The following MROH1 variants were observed in gnomAD, a reference collection of about 807,000 sequenced individuals.
The protein encoded by MROH1 is maestro heat-like repeat-containing protein family member 1.
Under a neutral mutation model 116.5 loss-of-function variants are expected in MROH1, and 117 were observed. The ratio of observed to expected loss-of-function variants is 1.00; its 90% confidence interval spans 0.86 to 1.17. MROH1 has a LOEUF of 1.17. Ranked by LOEUF, MROH1 falls within the 50% of genes most tolerant of loss-of-function variation. The pLI, the probability that MROH1 is intolerant of heterozygous loss-of-function variation, is 0.00. For missense variants in MROH1, 1,873 were observed against 1,338.5 expected, an observed-to-expected ratio of 1.40 and a Z score of -6.23; for synonymous variants, 921 against 583.9, an observed-to-expected ratio of 1.58 and a Z score of -8.32.
intron 12 of MROH1, chr8:144,213,132 C>T (rs1407629115): frequency 1.3e-6 from 1 of 767,158 alleles, no homozygotes; most frequent in Admixed American, 1.7e-5. Flanking sequence ...GTCACCACGG[C>T]TGTTACATCC....
chr8:144,252,753 T>G (rs919100845), intron 33 of MROH1: 7 of 150,412 alleles, frequency 4.7e-5, no homozygotes, highest in Non-Finnish European at 1.0e-4. Context: ...GGTTGGGAGT[T>G]CGAGACCAGC....
intron 12 of MROH1, among the ~76,000 whole-genome samples, chr8:144,202,734 G>A (rs1486157984): frequency 7.7e-6 from 1 of 129,534 alleles, no homozygotes; most frequent in Non-Finnish European, 1.6e-5. Flanking sequence ...CTGGAGAGGA[G>A]CGCCCGCCAT....
chr8:144,250,071 C>T lies in MROH1; in HGVS notation c.3274-141C>T, dbSNP rs1842603910. The T allele has an allele frequency of 6.0e-6, 4 of 666,926 alleles. No homozygotes were observed. In the Admixed American group the frequency reaches 8.3e-5, roughly 14 times the overall value. The allele number at this position is 666,926 out of a possible 1,614,324, so 41.3% of individuals were successfully genotyped here. On this transcript the variant is annotated intron_variant, in intron 32 of 43. Coordinates refer to ENST00000326134, the MANE Select transcript of MROH1 (RefSeq NM_032450.3). ...TCCGTGGCCCACGGGGGATCCTGGCCCTACCTCAGGCTGGAACCAGCAGTA... is the reference window on the plus strand; with the variant it reads ...TCCGTGGCCCACGGGGGATCCTGGCTCTACCTCAGGCTGGAACCAGCAGTA...
intron 4 of MROH1, among the ~76,000 whole-genome samples, chr8:144,170,293 C>T (rs1218054828): frequency 2.0e-5 from 3 of 152,202 alleles, no homozygotes; most frequent in African/African-American, 7.2e-5. Context: ...TGATTTTACC[C>T]CTTTTCTAAC....
intron 12 of MROH1, among the ~76,000 whole-genome samples, chr8:144,204,863 CAGTT>C (rs368405191): frequency 2.6e-4 from 39 of 152,300 alleles, no homozygotes; most frequent in African/African-American, 8.9e-4. Flanking sequence ...GTCCTTTACA[CAGTT>C]AGTGTTTACC....
intron 10 of MROH1, among the ~76,000 whole-genome samples, chr8:144,197,625 T>C (rs1830229552): frequency 2.0e-5 from 3 of 149,592 alleles, no homozygotes; most frequent in Non-Finnish European, 3.0e-5. Flanking sequence ...TTACTAGAGA[T>C]GGGGTTTCAC....
At chr8:144,199,681 G>A (rs1170116740) in intron 11 of MROH1, among the ~76,000 whole-genome samples, 1 of 152,192 alleles carries the variant, frequency 6.6e-6, no homozygotes, top group African/African-American at 2.4e-5. Context: ...TCCTGGAGGG[G>A]CAGCAGATGG....
Position 144,182,055 on chromosome 8 carries a change from C to T in MROH1, c.562+1532C>T, listed in dbSNP as rs1237677511. Among the ~76,000 whole-genome samples the T allele has an allele frequency of 6.6e-6, 1 of 152,224 alleles. No individual in the cohort carries two copies. Among genetic ancestry groups the T allele is most frequent in the South Asian group, 2.1e-4 (1 of 4,834 alleles). ...GACCTCCTCGTGTGGGACGTGTGCT[C>T]CCCACCACAAATGGAACGTTCCCTG... On this transcript the variant is annotated intron_variant, in intron 7 of 43. Coordinates refer to ENST00000326134, the MANE Select transcript of MROH1 (RefSeq NM_032450.3). This position sits in a 1 kb window ranked among gnomAD's most constrained non-coding sequence, Gnocchi z 4.1.
At chr8:144,250,830 T>G (rs1842735668) in intron 33 of MROH1, 2 of 335,376 alleles carry the variant, frequency 6.0e-6, no homozygotes, top group Non-Finnish European at 1.2e-5. Context: ...AAGGACAACC[T>G]TGTCTGTACC....
chr8:144,213,955 G>C (rs1160683100), intron 12 of MROH1: 1 of 151,814 alleles, frequency 6.6e-6, no homozygotes, highest in African/African-American at 2.4e-5. Context: ...CTTTGTTTTG[G>C]TTTTGTTTTC....
At position 144,259,485 on chromosome 8, in the gene MROH1, A is replaced by G. The variant is rs1033934962; in HGVS notation, c.4044+131A>G. 5 of 687,982 alleles carry G rather than the reference A, an allele frequency of 7.3e-6. No homozygotes were observed. In the African/African-American group the frequency reaches 8.8e-5, roughly 12 times the overall value. 42.6% of individuals were successfully genotyped at this position (687,982 alleles called of 1,614,324 possible). A position where few individuals can be genotyped will look rare whatever the true frequency, so the allele number is the denominator to read the frequency against. ...CTGTGAGGGAGGTTATGTGGATGCT[A>G]GCTACCTCCTCCCCCATGCCAGAAC... On this transcript the variant is annotated intron_variant, in intron 37 of 43. Coordinates refer to ENST00000326134, the MANE Select transcript of MROH1 (RefSeq NM_032450.3).
intron 4 of MROH1, among the ~76,000 whole-genome samples, chr8:144,175,971 C>A (rs1411638635): frequency 6.6e-6 from 1 of 152,158 alleles, no homozygotes; most frequent in African/African-American, 2.4e-5. Context: ...ATTGCTTGAA[C>A]CTGGGAGGCG....
intron 3 of MROH1, among the ~76,000 whole-genome samples, chr8:144,167,367 A>T (rs1267445160): frequency 3.1e-3 from 113 of 36,350 alleles, no homozygotes; most frequent in African/African-American, 9.8e-3. Context: ...GAGTGGCCAG[A>T]TGTGGGGTGG....
chr8:144,223,087 T>TCC, intron 13 of MROH1, 21 bp from the exon 14 acceptor site: 1 of 1,612,974 alleles, frequency 6.2e-7, no homozygotes, highest in Non-Finnish European at 8.5e-7. Flanking sequence ...CTTCCTGATC[T>TCC]CCCATTTGTT....
At chr8:144,229,565 T>C (rs1838443828) in intron 14 of MROH1, among the ~76,000 whole-genome samples, 1 of 151,954 alleles carries the variant, frequency 6.6e-6, no homozygotes, top group African/African-American at 2.4e-5. Context: ...TTGTTTTGTC[T>C]TGTTTTTTTA....
At chr8:144,248,173 T>C (rs1842221034) in intron 31 of MROH1, among the ~76,000 whole-genome samples, 1 of 152,132 alleles carries the variant, frequency 6.6e-6, no homozygotes, top group African/African-American at 2.4e-5. Flanking sequence ...TCAAGGTGCT[T>C]TGTCTACTGC....
chr8:144,244,045 T>C (rs1254572323), intron 26 of MROH1, 103 bp downstream of exon 26: 15 of 718,644 alleles, frequency 2.1e-5, no homozygotes, highest in African/African-American at 8.7e-5. Context: ...TGCGTGTGTG[T>C]GCCTGTGCTT....
intron 3 of MROH1, among the ~76,000 whole-genome samples, chr8:144,164,387 G>A (rs1820276436): frequency 6.7e-6 from 1 of 149,496 alleles, no homozygotes; most frequent in African/African-American, 2.5e-5. Context: ...TCTGGGCGAT[G>A]GAGTGAGACT....
chr8:144,260,705 T>TCC lies in MROH1; in HGVS notation c.4410_4411dup (p.Arg1471ProfsTer88), dbSNP rs1350995825. 1.3e-6 allele frequency: 1 copy of TCC among 779,484 alleles called. No homozygotes were observed. Among genetic ancestry groups the TCC allele is most frequent in the Non-Finnish European group, 2.4e-6 (1 of 417,794 alleles). The allele number at this position is 779,484 out of a possible 1,614,324, so 48.3% of individuals were successfully genotyped here. A position where few individuals can be genotyped will look rare whatever the true frequency, so the allele number is the denominator to read the frequency against. On this transcript the variant is annotated frameshift_variant, in exon 40 of 44. Coordinates refer to ENST00000326134, the MANE Select transcript of MROH1 (RefSeq NM_032450.3). LOFTEE classifies it high-confidence loss of function. ...AAGATGGAGTTCCGGACGGCATCTA[T>TCC]CCGCCTCTTTGGGCACCTTAACAAG...
Sources: gnomAD v4.1 joint callset for allele counts (sites outside exome capture counted in the v4.1 genomes callset) on GRCh38, gnomAD v4.1.1 for gene constraint, Gnocchi (gnomAD v3.1) non-coding constraint, MANE v1.5 for transcripts, NCBI Gene and HGNC (gene_info 2026-07-23, HGNC 2026-07-21) for gene names.